SV2C: variants seen among roughly 807,000 people sequenced by gnomAD.
SV2C encodes solute carrier family 22 member B3.
SV2C carries 49 observed loss-of-function variants against 79.7 expected under a neutral mutation model. That is an observed-to-expected ratio of 0.61 (90% CI 0.49 to 0.78). The LOEUF is 0.78. Among genes scored for constraint, SV2C ranks in the 30% least tolerant of loss-of-function variants. The pLI, the probability that SV2C is intolerant of heterozygous loss-of-function variation, is 0.00. For synonymous variants in SV2C, 334 were observed against 333.2 expected, an observed-to-expected ratio of 1.00 and a Z score of -0.03; for missense variants, 833 against 912.9, an observed-to-expected ratio of 0.91 and a Z score of 1.13.
intron 4 of SV2C, among the ~76,000 whole-genome samples, chr5:76,249,417 A>G (rs1368362674): frequency 6.6e-6 from 1 of 152,230 alleles, no homozygotes; most frequent in Non-Finnish European, 1.5e-5. Flanking sequence ...TTAAAAAAAG[A>G]CCATGTGAAG....
the SV2C span, among the ~76,000 whole-genome samples, chr5:75,881,952 A>G: frequency 6.8e-6 from 1 of 148,080 alleles, no homozygotes; most frequent in Non-Finnish European, 1.5e-5. Context: ...GATAGCTCTT[A>G]TTATTTTGAA....
At chr5:76,345,368 G>A (rs1749519901) in intron 12 of SV2C, among the ~76,000 whole-genome samples, 1 of 152,252 alleles carries the variant, frequency 6.6e-6, no homozygotes, top group Non-Finnish European at 1.5e-5. Flanking sequence ...GACAGGCAGG[G>A]TGGAAAAGAT....
chr5:76,174,025 A>G (rs1580329151), intron 2 of SV2C: 1 of 1,566,638 alleles, frequency 6.4e-7, no homozygotes, highest in East Asian at 2.2e-5. Context: ...CCAAGATTTC[A>G]AGCATACACT....
At chr5:76,001,640 A>G in the SV2C span, among the ~76,000 whole-genome samples, 1 of 152,100 alleles carries the variant, frequency 6.6e-6, no homozygotes, top group Non-Finnish European at 1.5e-5. Flanking sequence ...GGGAAAAAGG[A>G]AAGTTGTAAA....
At chr5:76,049,092 CTT>C in the SV2C span, among the ~76,000 whole-genome samples, 1 of 151,596 alleles carries the variant, frequency 6.6e-6, no homozygotes, top group Non-Finnish European at 1.5e-5. Flanking sequence ...AATCCCAACT[CTT>C]TGGGAGGCCG....
chr5:75,975,683 T>C, the SV2C span, among the ~76,000 whole-genome samples: 8 of 152,192 alleles, frequency 5.3e-5, no homozygotes, highest in African/African-American at 1.9e-4. Flanking sequence ...AAGCCTGTTT[T>C]AATGATGCTT....
At chr5:75,970,017 A>G in the SV2C span, among the ~76,000 whole-genome samples, 2 of 152,076 alleles carry the variant, frequency 1.3e-5, no homozygotes, top group Admixed American at 6.5e-5. Context: ...GGATTAAGAA[A>G]CTCACTCAAA....
chr5:76,300,702 G>A (rs1276612403), intron 10 of SV2C, 27 bp from the exon 11 acceptor site: 1 of 1,607,486 alleles, frequency 6.2e-7, no homozygotes, highest in Non-Finnish European at 8.5e-7. Context: ...AGAGCTTGAT[G>A]AATTGTCTTT....
the SV2C span, among the ~76,000 whole-genome samples, chr5:75,881,759 T>C: frequency 0.025 from 3,770 of 151,022 alleles, 155 homozygotes; most frequent in African/African-American, 0.084. Flanking sequence ...ACAATTTGAC[T>C]TCCTCTTTTC....
chr5:75,871,834 T>TATACACACAC, the SV2C span, among the ~76,000 whole-genome samples: 13 of 118,856 alleles, frequency 1.1e-4, no homozygotes, highest in African/African-American at 4.3e-4. Context: ...TATATATATA[T>TATACACACAC]ACACACACAC....
chr5:75,874,677 AG>A, the SV2C span, among the ~76,000 whole-genome samples: 1 of 152,140 alleles, frequency 6.6e-6, no homozygotes, highest in African/African-American at 2.4e-5. Context: ...GGCCCAAAAA[AG>A]CTCCTCCAGC....
At chr5:75,895,470 T>A in the SV2C span, among the ~76,000 whole-genome samples, 1 of 152,202 alleles carries the variant, frequency 6.6e-6, no homozygotes, top group East Asian at 1.9e-4. Flanking sequence ...TAAAGTGACA[T>A]AAAGTAGTTT....
chr5:76,282,150 G>A (rs1308131998), intron 4 of SV2C, among the ~76,000 whole-genome samples: 1 of 152,192 alleles, frequency 6.6e-6, no homozygotes, highest in African/African-American at 2.4e-5. Context: ...ATACCTTTAA[G>A]GGTAAACAAG....
At chr5:76,115,287 T>C (rs1256961498) in intron 1 of SV2C, among the ~76,000 whole-genome samples, 1 of 152,226 alleles carries the variant, frequency 6.6e-6, no homozygotes, top group Non-Finnish European at 1.5e-5. Context: ...GTTTTAAATA[T>C]GCAAGATAGG....
At chr5:76,246,034 G>A (rs1048022295) in intron 4 of SV2C, among the ~76,000 whole-genome samples, 1 of 151,626 alleles carries the variant, frequency 6.6e-6, no homozygotes. Flanking sequence ...GGATTCTGAA[G>A]GACATATATT....
rs1257766666 is a variant in SV2C, at chr5:76,329,491, A to T, written c.*3944A>T. The T allele has an allele frequency of 6.6e-6, 1 of 152,192 alleles. No individual in the cohort carries two copies. Among genetic ancestry groups the T allele is most frequent in the Non-Finnish European group, 1.5e-5 (1 of 68,038 alleles). The allele number at this position is 152,192 out of a possible 1,614,324, so 9.4% of individuals were successfully genotyped here. A position where few individuals can be genotyped will look rare whatever the true frequency, so the allele number is the denominator to read the frequency against. ...ATCAGAGTTCAGGTTTTCACCAAAA[A>T]CTGCTTAGTTGTCTTTCAAGATACC... On this transcript the variant is annotated 3_prime_UTR_variant, in exon 13 of 13. Coordinates refer to ENST00000502798, the MANE Select transcript of SV2C (RefSeq NM_014979.4).
chr5:76,167,014 G>A (rs1743066686), intron 2 of SV2C, among the ~76,000 whole-genome samples: 2 of 152,130 alleles, frequency 1.3e-5, no homozygotes. Flanking sequence ...CTATATTGTG[G>A]TTTGCATCAT....
At chr5:76,195,630 A>G (rs1213316170) in intron 3 of SV2C, among the ~76,000 whole-genome samples, 1 of 152,164 alleles carries the variant, frequency 6.6e-6, no homozygotes, top group Non-Finnish European at 1.5e-5. Flanking sequence ...TATTACCCAA[A>G]TGCAGTGGTA....
chr5:76,256,809 A>G (rs1022049555), intron 4 of SV2C, among the ~76,000 whole-genome samples: 6 of 152,204 alleles, frequency 3.9e-5, no homozygotes, highest in African/African-American at 1.4e-4. Flanking sequence ...CATAAAACTT[A>G]CAAACACTGT....
Sources: gnomAD v4.1 joint callset for allele counts (sites outside exome capture counted in the v4.1 genomes callset) on GRCh38, gnomAD v4.1.1 for gene constraint, MANE v1.5 for transcripts, NCBI Gene and HGNC (gene_info 2026-07-23, HGNC 2026-07-21) for gene names.